The following NUGGC variants were observed in gnomAD, a reference collection of about 807,000 sequenced individuals.
The protein encoded by NUGGC is nuclear GTPase SLIP-GC.
NUGGC carries 58 observed loss-of-function variants against 92.6 expected under a neutral mutation model. The ratio of observed to expected loss-of-function variants is 0.63; its 90% CI spans 0.51 to 0.78. NUGGC has a LOEUF of 0.78. Among genes scored for constraint, NUGGC ranks in the 30% least tolerant of loss-of-function variants. The probability of loss-of-function intolerance (pLI) is 0.00; values close to 1 mark genes in which losing one functional copy is unlikely to be tolerated. For synonymous variants in NUGGC, 376 were observed against 366.4 expected (o/e 1.03, Z -0.30); for missense variants, 925 against 964.6 (o/e 0.96, Z 0.54).
At position 28,068,369 on chromosome 8, in the gene NUGGC, A is replaced by G. The variant is rs759316811; in HGVS notation, c.327T>C (p.Thr109=). ...DPIYIALFGS[T]GAGKSSLINA... ...TGATCAGGGAGCTCTTCCCAGCCCC[A>G]GTGCTTCCAAATAATGCAATGTAGA... Residue 109 remains threonine (T), a synonymous_variant, in exon 5 of 19, where the codon ACT becomes ACC. Transcript: ENST00000413272. 6.3e-7 allele frequency: 1 copy of G among 1,581,728 alleles called. No individual in the cohort carries two copies. The highest frequency in any genetic ancestry group is 8.6e-7 in the Non-Finnish European group (1 of 1,163,098).
At chr8:28,028,031 T>TA (rs1320935602) in intron 17 of NUGGC, among the ~76,000 whole-genome samples, 1 of 150,702 alleles carries the variant, frequency 6.6e-6, no homozygotes, top group Non-Finnish European at 1.5e-5. Context: ...TAAAATATTT[T>TA]AAAAAACTAA....
intron 6 of NUGGC, among the ~76,000 whole-genome samples, chr8:28,065,207 C>T (rs1810410301): frequency 8.2e-6 from 1 of 121,950 alleles, no homozygotes; most frequent in Admixed American, 1.0e-4. Context: ...GTTGCCCAGA[C>T]TGGAGTGCAG....
chr8:28,076,910 C>T (rs1810736600), intron 1 of NUGGC, among the ~76,000 whole-genome samples: 1 of 152,206 alleles, frequency 6.6e-6, no homozygotes, highest in South Asian at 2.1e-4. Context: ...GTTTAACATT[C>T]TCAACTAATC....
chr8:28,040,861 G>A (rs1483010622), intron 13 of NUGGC, among the ~76,000 whole-genome samples, 190 bp downstream of exon 13: 2 of 152,310 alleles, frequency 1.3e-5, no homozygotes, highest in East Asian at 1.9e-4. Context: ...TGGCCAGGAT[G>A]GTCTTGATCT....
intron 8 of NUGGC, among the ~76,000 whole-genome samples, chr8:28,058,797 G>A (rs1276703945): frequency 1.3e-5 from 2 of 151,858 alleles, no homozygotes; most frequent in Non-Finnish European, 2.9e-5. Flanking sequence ...CCACATTCCA[G>A]GTCCAAGCGA....
At chr8:28,040,830 A>G (rs766347258) in intron 13 of NUGGC, among the ~76,000 whole-genome samples, 3 of 152,118 alleles carry the variant, frequency 2.0e-5, no homozygotes, top group Non-Finnish European at 2.9e-5. Context: ...TATTTTTAGT[A>G]GAGACGGGGT....
intron 8 of NUGGC, 62 bp downstream of exon 8, chr8:28,060,364 T>G (rs2130210354): frequency 6.7e-7 from 1 of 1,487,104 alleles, no homozygotes; most frequent in Non-Finnish European, 9.3e-7. Context: ...GCTACTGTAG[T>G]CAGGACCCAC....
chr8:28,060,064 T>C (rs947201142), intron 8 of NUGGC, among the ~76,000 whole-genome samples: 2 of 151,164 alleles, frequency 1.3e-5, no homozygotes, highest in African/African-American at 4.9e-5. Context: ...TTATAGGCTG[T>C]ACCCCCTAGT....
chr8:28,060,301 C>T (rs1317450465), intron 8 of NUGGC, 125 bp downstream of exon 8: 2 of 970,362 alleles, frequency 2.1e-6, no homozygotes, highest in Non-Finnish European at 3.2e-6. Context: ...TTCTTTCCTC[C>T]CCAACAATCA....
At chr8:28,082,635 G>T (rs538344555) in intron 1 of NUGGC, among the ~76,000 whole-genome samples, 1 of 152,280 alleles carries the variant, frequency 6.6e-6, no homozygotes, top group Non-Finnish European at 1.5e-5. Flanking sequence ...GAGCATGGTG[G>T]CTCATGCCTG....
chr8:28,057,346 T>TTG (rs1554488193), intron 9 of NUGGC, among the ~76,000 whole-genome samples: 2 of 150,268 alleles, frequency 1.3e-5, no homozygotes, highest in African/African-American at 2.4e-5. Context: ...TTTTTTTTTT[T>TTG]TTGTTGTTGT....
chr8:28,055,829 G>A (rs577476449), intron 10 of NUGGC, 136 bp downstream of exon 10: 43 of 563,422 alleles, frequency 7.6e-5, no homozygotes, highest in Admixed American at 6.5e-4. Flanking sequence ...TGAGACCCGC[G>A]TCTCAAAACA....
In NUGGC at chr8:28,052,435, T is replaced by A. The variant is rs528036982; in HGVS notation, c.1206+3530A>T. ...GAGGATGAAATGTATTAAGATGAAG[T>A]CATAATGGAGTAGGGTGGGCCCCTA... On this transcript the variant is annotated intron_variant, in intron 10 of 18. Coordinates refer to ENST00000413272, the MANE Select transcript of NUGGC (RefSeq NM_001010906.2). Among the ~76,000 whole-genome samples the A allele has an allele frequency of 2.6e-5, 4 of 152,160 alleles. No individual in the cohort carries two copies. In the South Asian group the frequency reaches 8.3e-4, roughly 32 times the overall value.
chr8:28,074,949 A>C lies in NUGGC; in HGVS notation c.-46-493T>G, dbSNP rs183128288. Among the ~76,000 whole-genome samples, 63 of 152,260 alleles carry C rather than the reference A, an allele frequency of 4.1e-4. No homozygotes were observed. In the South Asian group the frequency reaches 0.013, roughly 31 times the overall value. ...GCGAGACTCTGTCTTGAGAAAAAAA[A>C]AGAGTCTAAACCAGTATTACCTGAG... On this transcript the variant is annotated intron_variant, in intron 1 of 18. Transcript: ENST00000413272.
intron 4 of NUGGC, 106 bp from the exon 5 acceptor site, chr8:28,068,544 A>G (rs1287902764): frequency 2.8e-6 from 2 of 726,102 alleles, no homozygotes; most frequent in East Asian, 2.7e-5. Context: ...GCACGTCACT[A>G]CAACCTGAGT....
At chr8:28,031,427 G>A in intron 14 of NUGGC, 46 bp from the exon 15 acceptor site, 1 of 1,595,476 alleles carries the variant, frequency 6.3e-7, no homozygotes, top group Non-Finnish European at 8.6e-7. Context: ...GGTGGCTGCT[G>A]TGAGGCTGAA....
At position 28,052,305 on chromosome 8, in the gene NUGGC, T is replaced by C. The variant is rs573975055; in HGVS notation, c.1206+3660A>G. The stretch of plus-strand genomic sequence containing the variant: ...GTGGCAGTCACAAGGTGGTTGTCAC[T>C]GCCTGTGTGTTATGGGCTGAAATGT... On this transcript the variant is annotated intron_variant, in intron 10 of 18. Transcript: ENST00000413272. 1.4e-4 allele frequency among the ~76,000 whole-genome samples: 22 copies of C among 152,314 alleles called. No homozygotes were observed. In the East Asian group the frequency reaches 3.9e-3, roughly 27 times the overall value.
At chr8:28,037,736 T>TA (rs935270829) in intron 13 of NUGGC, among the ~76,000 whole-genome samples, 8 of 152,144 alleles carry the variant, frequency 5.3e-5, no homozygotes, top group African/African-American at 1.7e-4. Flanking sequence ...CTGAGGTTTC[T>TA]AAAAAAAGTT....
chr8:28,065,392 C>T (rs141308741), intron 6 of NUGGC, among the ~76,000 whole-genome samples: 3 of 152,184 alleles, frequency 2.0e-5, no homozygotes, highest in South Asian at 2.1e-4. Flanking sequence ...GATCTCCTGA[C>T]GTTGTGATCC....
Sources: gnomAD v4.1 joint callset for allele counts (sites outside exome capture counted in the v4.1 genomes callset) on GRCh38, gnomAD v4.1.1 for gene constraint, MANE v1.5 for transcripts, NCBI Gene and HGNC (gene_info 2026-07-23, HGNC 2026-07-21) for gene names.